The following PARD3 variants were observed in gnomAD, a reference collection of about 807,000 sequenced individuals.
The protein encoded by PARD3 is par-3 family cell polarity regulator, also known as partitioning defective 3 homolog.
In PARD3, 75 loss-of-function variants were observed where a neutral mutation model predicts 155.4. That is an observed-to-expected ratio of 0.48 (90% CI 0.40 to 0.58). The LOEUF is 0.58. PARD3 is among the 20% of genes least tolerant of loss of function. The pLI, the probability that PARD3 is intolerant of heterozygous loss-of-function variation, is 0.00. For synonymous variants in PARD3, 576 were observed against 610.5 expected (o/e 0.94, Z 0.83); for missense variants, 1,642 against 1,721.7 (o/e 0.95, Z 0.82).
intron 2 of PARD3, among the ~76,000 whole-genome samples, chr10:34,530,003 G>C (rs2082733940): frequency 6.6e-6 from 1 of 152,104 alleles, no homozygotes; most frequent in Admixed American, 6.5e-5. Flanking sequence ...CCAAAGTGCT[G>C]GGATTATAGG....
intron 2 of PARD3, among the ~76,000 whole-genome samples, chr10:34,671,106 C>G (rs1428262736): frequency 6.6e-6 from 1 of 152,206 alleles, no homozygotes; most frequent in Non-Finnish European, 1.5e-5. Flanking sequence ...GTAAGAATTA[C>G]AGCCTTCAAA....
chr10:34,401,922 A>AC lies in PARD3; in HGVS notation c.715-6_715-5insG. On this transcript the variant is annotated splice_polypyrimidine_tract_variant and splice_region_variant and intron_variant, in intron 5 of 24. Transcript: ENST00000374788. The stretch of plus-strand genomic sequence containing the variant: ...CTCTTCTGTCCCATCCTCATCCTAG[A>AC]GGCAGCCAACACAAAGAAAAGTACA... The AC allele has an allele frequency of 6.2e-7, 1 of 1,610,522 alleles. No individual in the cohort carries two copies. The highest frequency in any genetic ancestry group is 1.1e-5 in the South Asian group (1 of 91,002).
chr10:34,632,545 G>A (rs182538594), intron 2 of PARD3, among the ~76,000 whole-genome samples: 2 of 152,310 alleles, frequency 1.3e-5, no homozygotes, highest in East Asian at 1.9e-4. Context: ...TGAACAGTTC[G>A]ATGTAGGTAA....
intron 1 of PARD3, among the ~76,000 whole-genome samples, chr10:34,748,024 G>A (rs538138654): frequency 1.5e-3 from 233 of 150,712 alleles, no homozygotes; most frequent in African/African-American, 4.9e-3. Flanking sequence ...AGGAATGGAC[G>A]TGGGGGTTAC....
At chr10:34,415,089 G>A (rs1845532652) in intron 5 of PARD3, among the ~76,000 whole-genome samples, 2 of 152,288 alleles carry the variant, frequency 1.3e-5, no homozygotes, top group East Asian at 1.9e-4. Context: ...AACTTCTGGA[G>A]GAATAACCAC....
intron 2 of PARD3, among the ~76,000 whole-genome samples, chr10:34,586,037 T>A (rs1418004023): frequency 6.6e-6 from 1 of 152,034 alleles, no homozygotes; most frequent in African/African-American, 2.4e-5. Context: ...TTAAAAAAAT[T>A]ACCTTCCCAA....
intron 1 of PARD3, among the ~76,000 whole-genome samples, chr10:34,732,856 C>T (rs559584504): frequency 1.5e-3 from 226 of 152,282 alleles, no homozygotes; most frequent in African/African-American, 4.6e-3. Flanking sequence ...ACCCATACCT[C>T]CCTCAGCAAT....
intron 5 of PARD3, among the ~76,000 whole-genome samples, chr10:34,430,472 G>T (rs981042965): frequency 1.3e-5 from 2 of 152,232 alleles, no homozygotes; most frequent in South Asian, 4.1e-4. Flanking sequence ...GATAAGCAGC[G>T]AGAAGAAAAA....
chr10:34,605,935 A>ATATATCTCTCC (rs1554784692), intron 2 of PARD3, among the ~76,000 whole-genome samples: 2 of 121,714 alleles, frequency 1.6e-5, no homozygotes, highest in African/African-American at 6.5e-5. Context: ...TATCTCCTAT[A>ATATATCTCTCC]TATATATATC....
At chr10:34,377,010 C>T (rs1422263405) in intron 10 of PARD3, among the ~76,000 whole-genome samples, 1 of 152,150 alleles carries the variant, frequency 6.6e-6, no homozygotes, top group Non-Finnish European at 1.5e-5. Flanking sequence ...TCCAAGGCAG[C>T]TTCAAATACC....
At chr10:34,231,579 A>G (rs985583260) in intron 22 of PARD3, among the ~76,000 whole-genome samples, 1 of 150,808 alleles carries the variant, frequency 6.6e-6, no homozygotes, top group Non-Finnish European at 1.5e-5. Flanking sequence ...TGTCTCTACC[A>G]CTCCCCCTAA....
rs541366961 is a variant in PARD3, at chr10:34,288,567, T to C, written c.3066-4322A>G. Among the ~76,000 whole-genome samples the C allele has an allele frequency of 2.3e-4, 35 of 152,328 alleles. No individual in the cohort carries two copies. The South Asian group carries it at 7.0e-3, about 31-fold the overall frequency. On this transcript the variant is annotated intron_variant, in intron 20 of 24. Coordinates refer to ENST00000374788, the MANE Select transcript of PARD3 (RefSeq NM_001184785.2). ...ATTCCTGAAAAGGGGAGGGAGTCATTGAAAAATTTCACCTATACATATACT... is the reference window on the plus strand; with the variant it reads ...ATTCCTGAAAAGGGGAGGGAGTCATCGAAAAATTTCACCTATACATATACT...
intron 20 of PARD3, among the ~76,000 whole-genome samples, chr10:34,307,030 GCACC>G: frequency 6.9e-6 from 1 of 145,598 alleles, no homozygotes; most frequent in African/African-American, 2.6e-5. Context: ...GGGACTACAG[GCACC>G]CGCCACCACG....
At position 34,331,116 on chromosome 10, in the gene PARD3, C is replaced by T. The variant is rs1835572419; in HGVS notation, c.2833+1G>A. On this transcript the variant is annotated splice_donor_variant, in intron 19 of 24. Coordinates refer to ENST00000374788, the MANE Select transcript of PARD3 (RefSeq NM_001184785.2). LOFTEE classifies it high-confidence loss of function. ...TATTCTTTCAGCCATTATAAACTTA[C>T]AGGTCTCCATGCCTTCATCATCATC... is the stretch of plus-strand genomic sequence containing the variant. 2 of 1,607,558 alleles carry T rather than the reference C, an allele frequency of 1.2e-6. No individual in the cohort carries two copies.
At chr10:34,557,383 T>C (rs1037900903) in intron 2 of PARD3, among the ~76,000 whole-genome samples, 7 of 151,958 alleles carry the variant, frequency 4.6e-5, no homozygotes, top group Non-Finnish European at 1.0e-4. Flanking sequence ...GTCAGCAAAA[T>C]CCCAGCATTT....
chr10:34,326,080 T>C (rs566567494), intron 19 of PARD3, among the ~76,000 whole-genome samples: 3 of 151,034 alleles, frequency 2.0e-5, no homozygotes, highest in South Asian at 2.1e-4. Context: ...TGAGCCAAGA[T>C]TGTGCCACTG....
intron 1 of PARD3, among the ~76,000 whole-genome samples, chr10:34,805,751 C>T (rs1229570290): frequency 2.6e-5 from 4 of 151,722 alleles, no homozygotes; most frequent in African/African-American, 4.8e-5. Flanking sequence ...CTGAGACAGG[C>T]GGATCACGAG....
At chr10:34,589,648 A>C (rs2088473433) in intron 2 of PARD3, among the ~76,000 whole-genome samples, 1 of 151,248 alleles carries the variant, frequency 6.6e-6, no homozygotes, top group Non-Finnish European at 1.5e-5. Context: ...AAAAAAAAAA[A>C]AAAAAAAAAA....
At chr10:34,456,409 G>C (rs2077343648) in intron 4 of PARD3, among the ~76,000 whole-genome samples, 1 of 152,100 alleles carries the variant, frequency 6.6e-6, no homozygotes, top group African/African-American at 2.4e-5. Flanking sequence ...CGATTCTCCT[G>C]CCTCAGCCTC....
Sources: gnomAD v4.1 joint callset for allele counts (sites outside exome capture counted in the v4.1 genomes callset) on GRCh38, gnomAD v4.1.1 for gene constraint, MANE v1.5 for transcripts, NCBI Gene and HGNC (gene_info 2026-07-23, HGNC 2026-07-21) for gene names.